Variants in PARVB observed in about 807,000 individuals in gnomAD.
The protein encoded by PARVB is beta-parvin.
A neutral mutation model predicts 47.0 loss-of-function variants in PARVB; 46 were observed. The observed-to-expected ratio is 0.98, with a 90% CI of 0.77 to 1.25. The LOEUF is 1.25. PARVB is among the 50% of genes most tolerant of loss of function. PARVB has a pLI of 0.00. For missense variants in PARVB, 473 were observed against 471.6 expected (o/e 1.00, Z -0.03); for synonymous variants, 196 against 196.3 (o/e 1.00, Z 0.01).
At chr22:44,069,020 C>A in intron 1 of PARVB, 2 of 1,152,450 alleles carry the variant, frequency 1.7e-6, no homozygotes, top group Non-Finnish European at 2.5e-6. Context: ...AAAGGCTCCC[C>A]AAAGAGGCTT....
chr22:44,051,810 C>A (rs2051213716), intron 1 of PARVB, among the ~76,000 whole-genome samples: 1 of 152,146 alleles, frequency 6.6e-6, no homozygotes, highest in Non-Finnish European at 1.5e-5. Context: ...TAAGACGAGG[C>A]CTGTCTGAAG....
At position 44,169,713 on chromosome 22, in the gene PARVB, T is replaced by C. The variant is rs2054247206; in HGVS notation, c.*1035T>C. Reference sequence around the variant, plus strand: ...TCTTTTATTTTATTTTTTATTTTTGTTTTTATTTTTTGAGACAGAGTCTCG... The same window carrying C: ...TCTTTTATTTTATTTTTTATTTTTGCTTTTATTTTTTGAGACAGAGTCTCG... On this transcript the variant is annotated 3_prime_UTR_variant, in exon 13 of 13. Transcript: ENST00000338758. 6.7e-6 allele frequency: 1 copy of C among 150,150 alleles called. No homozygotes were observed. The highest frequency in any genetic ancestry group is 6.6e-5 in the Admixed American group (1 of 15,244). The allele number at this position is 150,150 out of a possible 1,614,324, so 9.3% of individuals were successfully genotyped here.
intron 3 of PARVB, chr22:44,104,048 C>T (rs1295510838): frequency 1.3e-5 from 2 of 152,238 alleles, no homozygotes; most frequent in Admixed American, 6.5e-5. Flanking sequence ...TCCTGTTCTC[C>T]AGGCTGCTGC....
intron 6 of PARVB, 124 bp from the exon 7 acceptor site, chr22:44,136,336 C>T: frequency 1.2e-6 from 1 of 846,724 alleles, no homozygotes; most frequent in South Asian, 1.4e-5. Context: ...TCAACACCAC[C>T]CCTCCTTCTC....
At chr22:44,123,949 G>A (rs773774082) in intron 4 of PARVB, among the ~76,000 whole-genome samples, 12 of 152,256 alleles carry the variant, frequency 7.9e-5, no homozygotes, top group Non-Finnish European at 1.3e-4. Context: ...AGCAGGAGTT[G>A]TTATTGCTGT....
intron 1 of PARVB, among the ~76,000 whole-genome samples, chr22:44,090,044 C>T (rs1007171893): frequency 6.6e-6 from 1 of 152,198 alleles, no homozygotes; most frequent in Non-Finnish European, 1.5e-5. Context: ...AGCTGCCTCT[C>T]CCACTTGCAG....
At position 44,049,947 on chromosome 22, in the gene PARVB, T is replaced by C. The variant is rs559756247; in HGVS notation, c.112+25496T>C. Among the ~76,000 whole-genome samples, 5 of 152,240 alleles carry C rather than the reference T, an allele frequency of 3.3e-5. No individual in the cohort carries two copies. The highest frequency in any genetic ancestry group is 2.1e-4 in the South Asian group (1 of 4,838). On this transcript the variant is annotated intron_variant, in intron 1 of 12. Transcript: ENST00000338758. This position sits in a 1 kb window ranked among gnomAD's most constrained non-coding sequence, Gnocchi z 4.0. The stretch of plus-strand genomic sequence containing the variant: ...CATGCCTACTTGAGTTTGGGGTTTC[T>C]GTTTTACCTACACTTCCATATTGTG...
intron 1 of PARVB, among the ~76,000 whole-genome samples, chr22:44,069,637 T>G (rs1244371226): frequency 1.3e-5 from 2 of 152,118 alleles, no homozygotes; most frequent in South Asian, 4.1e-4. Context: ...CAAGTGATCC[T>G]CCTGCCTCAG....
chr22:44,105,511 C>A (rs1283955930), intron 3 of PARVB: 1 of 152,294 alleles, frequency 6.6e-6, no homozygotes, highest in African/African-American at 2.4e-5. Context: ...CTCCTCCTAA[C>A]CCCAGTTACT....
chr22:44,121,747 G>A (rs2053053021), intron 4 of PARVB, among the ~76,000 whole-genome samples: 1 of 152,128 alleles, frequency 6.6e-6, no homozygotes, highest in Admixed American at 6.5e-5. Context: ...TTTAAAAATT[G>A]TGAGTTCACA....
intron 2 of PARVB, among the ~76,000 whole-genome samples, chr22:44,014,256 T>A (rs2146857275): frequency 6.6e-6 from 1 of 152,226 alleles, no homozygotes; most frequent in African/African-American, 2.4e-5. Context: ...TTGACTGAGA[T>A]CACACAGTGC....
intron 1 of PARVB, among the ~76,000 whole-genome samples, chr22:44,085,291 GTTTTCTTTTTCTTTTTCT>G (rs202198824): frequency 6.6e-6 from 1 of 151,844 alleles, no homozygotes; most frequent in African/African-American, 2.4e-5. Context: ...CTGCAACATG[GTTTTCTTTTTCTTTTTCT>G]TTTTCTTTTT....
intron 2 of PARVB, among the ~76,000 whole-genome samples, chr22:44,018,222 T>C (rs895084381): frequency 2.0e-5 from 3 of 152,058 alleles, no homozygotes; most frequent in African/African-American, 7.2e-5. Context: ...GCCAACATGG[T>C]GAAACCCTGT....
intron 1 of PARVB, among the ~76,000 whole-genome samples, chr22:44,086,007 G>A (rs562619412): frequency 2.9e-4 from 44 of 152,124 alleles, no homozygotes; most frequent in Non-Finnish European, 5.4e-4. Flanking sequence ...TGAGAAATGG[G>A]CTGGAACCTC....
intron 4 of PARVB, among the ~76,000 whole-genome samples, chr22:44,126,651 G>A (rs1221709517): frequency 6.6e-6 from 1 of 152,182 alleles, no homozygotes; most frequent in East Asian, 1.9e-4. Context: ...GCTGTTGCTG[G>A]TGATGGCCCT....
At chr22:44,117,030 G>C (rs1007639437) in intron 3 of PARVB, among the ~76,000 whole-genome samples, 1 of 152,104 alleles carries the variant, frequency 6.6e-6, no homozygotes, top group Non-Finnish European at 1.5e-5. Flanking sequence ...ACAGGAGGAT[G>C]GTGGCCTTCC....
intron 1 of PARVB, chr22:44,069,081 CG>C (rs1569089679): frequency 6.2e-6 from 10 of 1,605,582 alleles, no homozygotes; most frequent in Non-Finnish European, 8.5e-6. Flanking sequence ...CCTATATGAA[CG>C]GGGTGTGTGC....
chr22:44,141,492 A>C (rs1384457874), intron 8 of PARVB: 1 of 152,126 alleles, frequency 6.6e-6, no homozygotes, highest in Non-Finnish European at 1.5e-5. Flanking sequence ...CCTGCTTTTT[A>C]TTTTGGCTGT....
intron 11 of PARVB, among the ~76,000 whole-genome samples, chr22:44,160,784 G>C (rs941039499): frequency 2.6e-5 from 4 of 152,226 alleles, no homozygotes; most frequent in Admixed American, 6.5e-5. Context: ...GAGCAATGAG[G>C]CTTGGAAGGG....
Sources: gnomAD v4.1 joint callset for allele counts (sites outside exome capture counted in the v4.1 genomes callset) on GRCh38, gnomAD v4.1.1 for gene constraint, Gnocchi (gnomAD v3.1) non-coding constraint, MANE v1.5 for transcripts, NCBI Gene and HGNC (gene_info 2026-07-23, HGNC 2026-07-21) for gene names.